The following ZNF3 variants were observed in gnomAD, a reference collection of about 807,000 sequenced individuals.
ZNF3 encodes zinc finger protein 3, also known as C2-H2 type zinc finger protein.
A neutral mutation model predicts 36.9 loss-of-function variants in ZNF3; 16 were observed. That is an observed-to-expected ratio of 0.43 (90% CI 0.29 to 0.66). The LOEUF is 0.66. Among genes scored for constraint, ZNF3 ranks in the 30% least tolerant of loss-of-function variants. The pLI is 0.13. For synonymous variants in ZNF3, 201 were observed against 201.9 expected, an observed-to-expected ratio of 1.00 and a Z score of 0.04; for missense variants, 462 against 543.1, an observed-to-expected ratio of 0.85 and a Z score of 1.48.
In ZNF3 at chr7:100,071,618, C is replaced by T. The variant is rs1793165138; in HGVS notation, c.866G>A (p.Cys289Tyr). ...GGAGCTCCAGCTGAAGGTCTTCCCA[C>T]ACTCATTACATTCATAGGGTTTCTC... is the stretch of plus-strand genomic sequence containing the variant. ...TGEKPYECNE[C>Y]GKTFSWSSTL... Residue 289 changes from cysteine to tyrosine, a missense_variant, in exon 6 of 6, where the codon TGT becomes TAT. Coordinates refer to ENST00000299667, the MANE Select transcript of ZNF3 (RefSeq NM_032924.5). The T allele has an allele frequency of 6.2e-7, 1 of 1,613,966 alleles. No homozygotes were observed. Among genetic ancestry groups the T allele is most frequent in the African/African-American group, 1.3e-5 (1 of 74,926 alleles).
downstream of ZNF3, chr7:100,063,897 G>A (rs1234486878): frequency 3.7e-6 from 6 of 1,613,952 alleles, no homozygotes; most frequent in Non-Finnish European, 5.1e-6. Flanking sequence ...ATAAACCTGA[G>A]GCCAGCTTAG....
At chr7:100,082,015 G>C (rs1294894893), upstream of ZNF3, among the ~76,000 whole-genome samples, 2 of 152,202 alleles carry the variant, frequency 1.3e-5, no homozygotes, top group Non-Finnish European at 2.9e-5. Flanking sequence ...AGCGTCGCCG[G>C]CCTTGGGGGC....
downstream of ZNF3, among the ~76,000 whole-genome samples, chr7:100,066,907 C>T (rs571514040): frequency 8.5e-5 from 13 of 152,132 alleles, no homozygotes; most frequent in Middle Eastern, 3.4e-3. Context: ...TGGTGGCGTG[C>T]GCCTGTAGTC....
At position 100,071,926 on chromosome 7, in the gene ZNF3, G is replaced by A. The variant is rs1417034851; in HGVS notation, c.558C>T (p.Asn186=). Residue 186 remains asparagine (N), a synonymous_variant, in exon 6 of 6, where the codon AAC becomes AAT. Coordinates refer to ENST00000299667, the MANE Select transcript of ZNF3 (RefSeq NM_032924.5). ...DFGNSFTVNS[N]LISHQRLPVG... is the part of the protein sequence containing the mutation. ...CGGGGAGTCTCTGATGTGAGATAAG[G>A]TTGGAATTCACAGTGAAGCTGTTCC... 7.4e-6 allele frequency: 12 copies of A among 1,614,094 alleles called. No individual in the cohort carries two copies. Among genetic ancestry groups the A allele is most frequent in the Non-Finnish European group, 1.0e-5 (12 of 1,180,052 alleles).
chr7:100,076,107 G>A (rs1452108384), intron 3 of ZNF3, among the ~76,000 whole-genome samples: 1 of 151,076 alleles, frequency 6.6e-6, no homozygotes, highest in African/African-American at 2.4e-5. Flanking sequence ...CAAATAGCTG[G>A]GATTACAGTC....
At chr7:100,066,002 T>C (rs569059550), downstream of ZNF3, among the ~76,000 whole-genome samples, 1 of 150,834 alleles carries the variant, frequency 6.6e-6, no homozygotes, top group South Asian at 2.1e-4. Flanking sequence ...CACAGGTCCT[T>C]TGGGGAAATA....
chr7:100,066,290 A>C (rs1473616344), downstream of ZNF3, among the ~76,000 whole-genome samples: 1 of 152,134 alleles, frequency 6.6e-6, no homozygotes, highest in Non-Finnish European at 1.5e-5. Context: ...AAGACACCCT[A>C]GTGGGCTGTG....
At chr7:100,065,494 G>A (rs1242791455), downstream of ZNF3, among the ~76,000 whole-genome samples, 2 of 151,974 alleles carry the variant, frequency 1.3e-5, no homozygotes, top group Non-Finnish European at 2.9e-5. Flanking sequence ...GGGCCATGTT[G>A]AACTGTGCCG....
chr7:100,069,418 G>T (rs1043560884), downstream of ZNF3, among the ~76,000 whole-genome samples: 2 of 152,030 alleles, frequency 1.3e-5, no homozygotes, highest in Non-Finnish European at 2.9e-5. Context: ...GGGGCGTGGT[G>T]GTGCACACCT....
At chr7:100,068,377 A>C (rs1017515541), downstream of ZNF3, among the ~76,000 whole-genome samples, 26 of 151,928 alleles carry the variant, frequency 1.7e-4, no homozygotes, top group African/African-American at 6.0e-4. Flanking sequence ...CACAGATTTA[A>C]AATTTATTTG....
At chr7:100,064,633 G>A in exon 6 of ZNF3, 1 of 1,604,784 alleles carries the variant, frequency 6.2e-7, no homozygotes, top group South Asian at 1.1e-5. Flanking sequence ...AAGCGCTCCT[G>A]TTGTTGTCGT....
At position 100,071,460 on chromosome 7, in the gene ZNF3, A is replaced by T; in HGVS notation, c.1024T>A (p.Cys342Ser). ...RIHTGEKPYE[C>S]NECGKAFSQS... Reference sequence around the variant, plus strand: ...CTGAAGGCTTTCCCACATTCATTACATTCATAGGGTTTTTCTCCAGTGTGG... The same window carrying T: ...CTGAAGGCTTTCCCACATTCATTACTTTCATAGGGTTTTTCTCCAGTGTGG... Residue 342 changes from cysteine (C) to serine (S), a missense_variant, in exon 6 of 6, where the codon TGT (cysteine) becomes AGT (serine). Physicochemically the swap from Cys to Ser is moderately radical, Grantham distance 112. Transcript: ENST00000299667. 1 of 1,614,102 alleles carries T rather than the reference A, an allele frequency of 6.2e-7. No homozygotes were observed. Among genetic ancestry groups the T allele is most frequent in the Non-Finnish European group, 8.5e-7 (1 of 1,180,010 alleles).
Position 100,071,908 on chromosome 7 carries a change from T to C in ZNF3, c.576A>G (p.Arg192=). ...TATGGGGTCTGTCTCCCACGGGGAG[T>C]CTCTGATGTGAGATAAGGTTGGAAT... is the stretch of plus-strand genomic sequence containing the variant. ...TVNSNLISHQ[R]LPVGDRPHKC... Residue 192 remains arginine, a synonymous_variant, in exon 6 of 6, where the codon AGA becomes AGG. Coordinates refer to ENST00000299667, the MANE Select transcript of ZNF3 (RefSeq NM_032924.5). 6.2e-7 allele frequency: 1 copy of C among 1,614,076 alleles called. No individual in the cohort carries two copies. The highest frequency in any genetic ancestry group is 8.5e-7 in the Non-Finnish European group (1 of 1,180,022).
downstream of ZNF3, among the ~76,000 whole-genome samples, chr7:100,069,240 G>A (rs868481034): frequency 6.6e-6 from 1 of 151,962 alleles, no homozygotes; most frequent in East Asian, 1.9e-4. Flanking sequence ...TTATAAGCAT[G>A]AGCCACTGTA....
intron 3 of ZNF3, 38 bp downstream of exon 3, chr7:100,077,265 T>A: frequency 6.2e-7 from 1 of 1,613,366 alleles, no homozygotes; most frequent in South Asian, 1.1e-5. Context: ...GATTGCAGAA[T>A]GACTGAGTAA....
At chr7:100,064,630 C>G in exon 6 of ZNF3, 1 of 1,607,574 alleles carries the variant, frequency 6.2e-7, no homozygotes, top group South Asian at 1.1e-5. Context: ...TTCAAGCGCT[C>G]CTGTTGTTGT....
In ZNF3 at chr7:100,071,620, C is replaced by T. The variant is rs759537694; in HGVS notation, c.864G>A (p.Glu288=). The change falls in exon 6 of 6, where the codon GAG becomes GAA. Residue 288 remains glutamate (E), a synonymous_variant. Coordinates refer to ENST00000299667, the MANE Select transcript of ZNF3 (RefSeq NM_032924.5). The part of the protein sequence containing the change: ...HTGEKPYECN[E]CGKTFSWSST... The stretch of plus-strand genomic sequence containing the variant: ...AGCTCCAGCTGAAGGTCTTCCCACA[C>T]TCATTACATTCATAGGGTTTCTCCC... 1.9e-6 allele frequency: 3 copies of T among 1,613,722 alleles called. No individual in the cohort carries two copies. Among genetic ancestry groups the T allele is most frequent in the Non-Finnish European group, 2.5e-6 (3 of 1,179,928 alleles).
rs181393380 is a variant in ZNF3 at position 100,075,317 on chromosome 7, C to A, written c.145-56G>T. On this transcript the variant is annotated intron_variant, in intron 4 of 5. Coordinates refer to ENST00000299667, the MANE Select transcript of ZNF3 (RefSeq NM_032924.5). ...AGGGTGAGGAATGTGAATGGCGGCA[C>A]CAAAAAAATCACTGAGGATGGGGTG... is the stretch of plus-strand genomic sequence containing the variant. The A allele has an allele frequency of 1.0e-3, 1,644 of 1,612,158 alleles. 15 individuals are homozygous for A. The African/African-American group carries it at 0.019, about 18-fold the overall frequency.
chr7:100,071,792 T>G lies in ZNF3; in HGVS notation c.692A>C (p.Asn231Thr). ...IHTGEKPYEC[N>T]ECGKAFSQSS... ...CTGGCTGAAGGCCTTCCCACACTCATTACATTCATAGGGCTTTTCCCCAGT... is the reference window on the plus strand; with the variant it reads ...CTGGCTGAAGGCCTTCCCACACTCAGTACATTCATAGGGCTTTTCCCCAGT... The change falls in exon 6 of 6, where the codon AAT becomes ACT. Residue 231 changes from asparagine to threonine, a missense_variant. Transcript: ENST00000299667. 6.2e-7 allele frequency: 1 copy of G among 1,613,828 alleles called. No homozygotes were observed. The highest frequency in any genetic ancestry group is 1.1e-5 in the South Asian group (1 of 91,038).
Sources: gnomAD v4.1 joint callset for allele counts (sites outside exome capture counted in the v4.1 genomes callset) on GRCh38, gnomAD v4.1.1 for gene constraint, MANE v1.5 for transcripts, NCBI Gene and HGNC (gene_info 2026-07-23, HGNC 2026-07-21) for gene names.